Variants in DCC observed in about 807,000 individuals in gnomAD.
DCC encodes DCC netrin 1 receptor.
Under a neutral mutation model 172.5 loss-of-function variants are expected in DCC, and 58 were observed. That is an observed-to-expected ratio of 0.34 (90% CI 0.27 to 0.42). The LOEUF (loss-of-function observed/expected upper bound fraction) is 0.42, where lower values mean the gene tolerates loss of function less well. DCC is among the 10% of genes least tolerant of loss of function. DCC has a pLI of 1.00. For synonymous variants in DCC, 709 were observed against 644.5 expected, an observed-to-expected ratio of 1.10 and a Z score of -1.52; for missense variants, 1,740 against 1,791.0, an observed-to-expected ratio of 0.97 and a Z score of 0.51.
At chr18:52,517,314 C>A (rs931943735) in intron 1 of DCC, among the ~76,000 whole-genome samples, 1 of 152,194 alleles carries the variant, frequency 6.6e-6, no homozygotes, top group Non-Finnish European at 1.5e-5. Context: ...AGTTCAGAGA[C>A]CACTAGTTTA....
rs189473455 is a variant in DCC at position 53,193,667 on chromosome 18, A to G, written c.1574-11549A>G. Among the ~76,000 whole-genome samples the G allele has an allele frequency of 5.8e-3, 889 of 152,206 alleles. 4 individuals carry two copies. Among genetic ancestry groups the G allele is most frequent in the Non-Finnish European group, 0.01 (689 of 68,006 alleles). On this transcript the variant is annotated intron_variant, in intron 9 of 28. Transcript: ENST00000442544. ...GGGATTTGCTGGCATCTTGGGCATC[A>G]AAGCATCCCGGAACTCTGACTTCCG...
At chr18:52,856,337 A>G (rs988523362) in intron 2 of DCC, among the ~76,000 whole-genome samples, 2 of 151,922 alleles carry the variant, frequency 1.3e-5, no homozygotes, top group East Asian at 3.9e-4. Flanking sequence ...GCTAATTAAG[A>G]GAGCAAGGCC....
intron 1 of DCC, among the ~76,000 whole-genome samples, chr18:52,478,030 G>A (rs1370539929): frequency 1.3e-5 from 2 of 151,868 alleles, no homozygotes; most frequent in Admixed American, 6.6e-5. Flanking sequence ...GGCTGCTATC[G>A]AACTTCTGGG....
At chr18:52,755,440 C>T (rs532572906) in intron 2 of DCC, among the ~76,000 whole-genome samples, 13 of 152,288 alleles carry the variant, frequency 8.5e-5, no homozygotes, top group East Asian at 5.8e-4. Context: ...GATAGGCACA[C>T]GGATTCAGTC....
chr18:53,361,211 C>T (rs7231225), intron 15 of DCC, among the ~76,000 whole-genome samples: 6,625 of 152,148 alleles, frequency 0.044, 469 homozygotes, highest in African/African-American at 0.15. Context: ...CCTTCAGGGA[C>T]CGTGCGGCCC....
intron 25 of DCC, among the ~76,000 whole-genome samples, chr18:53,469,928 A>T (rs181527527): frequency 4.9e-4 from 75 of 152,290 alleles, no homozygotes; most frequent in Middle Eastern, 6.8e-3. Context: ...TCATACTCTC[A>T]GAAACAGTTG....
At chr18:53,047,403 T>C (rs2042264028) in intron 5 of DCC, among the ~76,000 whole-genome samples, 3 of 117,686 alleles carry the variant, frequency 2.5e-5, no homozygotes, top group Non-Finnish European at 3.5e-5. Context: ...AAATATGTTA[T>C]ATATTTTATG....
At chr18:53,360,005 G>C (rs2057927807) in intron 15 of DCC, among the ~76,000 whole-genome samples, 1 of 152,076 alleles carries the variant, frequency 6.6e-6, no homozygotes, top group Admixed American at 6.6e-5. Context: ...AAATTGTTTT[G>C]AGGGTGCTGG....
intron 12 of DCC, among the ~76,000 whole-genome samples, chr18:53,249,308 T>G (rs1598945958): frequency 6.6e-6 from 1 of 151,944 alleles, no homozygotes; most frequent in East Asian, 1.9e-4. Context: ...AAATTGCCAA[T>G]GTATGTGTTG....
intron 1 of DCC, among the ~76,000 whole-genome samples, chr18:52,439,175 TG>T (rs1411361984): frequency 5.7e-4 from 1 of 1,754 alleles, no homozygotes; most frequent in East Asian, 0.013. Flanking sequence ...AGATATGTTT[TG>T]TGTGTGTGTG....
intron 2 of DCC, among the ~76,000 whole-genome samples, chr18:52,761,305 C>G (rs780470210): frequency 2.0e-5 from 3 of 152,132 alleles, no homozygotes; most frequent in Non-Finnish European, 4.4e-5. Flanking sequence ...CAATTACCTC[C>G]CACAGGGTCC....
At chr18:53,349,737 A>G (rs2057767253) in intron 15 of DCC, among the ~76,000 whole-genome samples, 1 of 152,146 alleles carries the variant, frequency 6.6e-6, no homozygotes, top group South Asian at 2.1e-4. Flanking sequence ...AAACCATCAA[A>G]TCTCATGAGA....
intron 7 of DCC, among the ~76,000 whole-genome samples, chr18:53,129,726 A>G (rs1404122237): frequency 6.6e-6 from 1 of 152,230 alleles, no homozygotes; most frequent in Non-Finnish European, 1.5e-5. Context: ...TTTATCTACT[A>G]TCTACTATTT....
chr18:52,353,601 G>GGT (rs935810251), intron 1 of DCC, among the ~76,000 whole-genome samples: 3 of 152,196 alleles, frequency 2.0e-5, no homozygotes, highest in African/African-American at 4.8e-5. Context: ...GGGCAGAAGG[G>GGT]GTGTAACAGA....
intron 5 of DCC, among the ~76,000 whole-genome samples, chr18:52,950,929 C>CAAAAAAAAAAAAAAAAAA (rs755118442): frequency 8.7e-5 from 5 of 57,424 alleles, no homozygotes; most frequent in Non-Finnish European, 1.2e-4. Context: ...GACTCCGTCT[C>CAAAAAAAAAAAAAAAAAA]AAAAAAAAAA....
intron 1 of DCC, among the ~76,000 whole-genome samples, chr18:52,750,601 T>G (rs1050414319): frequency 1.3e-5 from 2 of 152,262 alleles, no homozygotes; most frequent in South Asian, 4.1e-4. Context: ...ATAACAGACT[T>G]CAAACGTAAG....
chr18:52,960,334 T>A (rs1598972134), intron 5 of DCC, among the ~76,000 whole-genome samples: 1 of 152,284 alleles, frequency 6.6e-6, no homozygotes, highest in East Asian at 1.9e-4. Flanking sequence ...TCACTACACT[T>A]TACATTGCCA....
At chr18:52,406,824 G>T (rs1417392643) in intron 1 of DCC, among the ~76,000 whole-genome samples, 1 of 151,996 alleles carries the variant, frequency 6.6e-6, no homozygotes, top group East Asian at 1.9e-4. Flanking sequence ...AATCTATGTA[G>T]GTAGATTCAG....
At chr18:53,329,098 G>A (rs188741352) in intron 14 of DCC, among the ~76,000 whole-genome samples, 161 of 152,160 alleles carry the variant, frequency 1.1e-3, no homozygotes, top group African/African-American at 3.5e-3. Flanking sequence ...TGAAGAGGGC[G>A]TTTTGTGGAA....
Sources: allele counts gnomAD v4.1 joint callset (sites outside exome capture counted in the v4.1 genomes callset), GRCh38; gene constraint gnomAD v4.1.1; transcripts MANE v1.5; gene names NCBI Gene and HGNC (gene_info 2026-07-23, HGNC 2026-07-21).